Variants in JPH3 observed in about 807,000 individuals in gnomAD.
JPH3 encodes junctophilin 3.
In JPH3, 11 loss-of-function variants were observed where a neutral mutation model predicts 59.6. The observed-to-expected ratio is 0.18, with a 90% CI of 0.12 to 0.31. The LOEUF (loss-of-function observed/expected upper bound fraction) is 0.31. Among genes scored for constraint, JPH3 ranks in the 10% least tolerant of loss-of-function variants. The probability of loss-of-function intolerance (pLI) is 1.00; values close to 1 mark genes in which losing one functional copy is unlikely to be tolerated. For synonymous variants in JPH3, 673 were observed against 483.6 expected, an observed-to-expected ratio of 1.39 and a Z score of -5.14; for missense variants, 1,202 against 1,105.7, an observed-to-expected ratio of 1.09 and a Z score of -1.24.
chr16:87,674,042 A>AC (rs1450043033), intron 2 of JPH3, among the ~76,000 whole-genome samples: 2 of 151,392 alleles, frequency 1.3e-5, no homozygotes, highest in Non-Finnish European at 2.9e-5. Flanking sequence ...TTAAAAAAAA[A>AC]AACAAAAACA....
At chr16:87,662,692 G>C (rs773718035) in intron 2 of JPH3, among the ~76,000 whole-genome samples, 12 of 152,198 alleles carry the variant, frequency 7.9e-5, no homozygotes, top group Non-Finnish European at 1.6e-4. Context: ...GTGCATACCT[G>C]CCTTGGGGGC....
chr16:87,619,152 T>C (rs1024230154), intron 1 of JPH3, among the ~76,000 whole-genome samples: 7 of 150,832 alleles, frequency 4.6e-5, no homozygotes, highest in Non-Finnish European at 8.9e-5. Context: ...CCCATTTCTA[T>C]AAAAAATGCA....
chr16:87,681,919 C>T (rs8044767), intron 2 of JPH3, among the ~76,000 whole-genome samples: 17,378 of 152,114 alleles, frequency 0.11, 1,159 homozygotes, highest in Admixed American at 0.19. Context: ...GTTCAGGCCG[C>T]GCATCTTTAG....
chr16:87,608,108 C>T (rs945809852), intron 1 of JPH3, among the ~76,000 whole-genome samples: 1 of 152,202 alleles, frequency 6.6e-6, no homozygotes, highest in Non-Finnish European at 1.5e-5. Flanking sequence ...CCTACAGCAG[C>T]GATCTGGAGT....
At chr16:87,622,612 C>G (rs1238607962) in intron 1 of JPH3, among the ~76,000 whole-genome samples, 1 of 133,360 alleles carries the variant, frequency 7.5e-6, no homozygotes, top group Non-Finnish European at 1.8e-5. Flanking sequence ...GGATGGAAGT[C>G]TGCCAGAGGC....
intron 1 of JPH3, among the ~76,000 whole-genome samples, chr16:87,607,538 G>C (rs887549009): frequency 2.0e-5 from 3 of 152,228 alleles, no homozygotes; most frequent in African/African-American, 7.2e-5. Flanking sequence ...GGCCTTGCTT[G>C]CTCTCCACTG....
chr16:87,682,750 C>T (rs1310174028), intron 2 of JPH3, among the ~76,000 whole-genome samples: 4 of 152,156 alleles, frequency 2.6e-5, no homozygotes, highest in Admixed American at 2.0e-4. Flanking sequence ...GGAGTCTGCT[C>T]GGAGGGGGGA....
At chr16:87,622,723 C>G (rs1270400639) in intron 1 of JPH3, among the ~76,000 whole-genome samples, 1 of 145,220 alleles carries the variant, frequency 6.9e-6, no homozygotes, top group South Asian at 2.2e-4. Context: ...TCAGGGTCTC[C>G]TCCTGATAAA....
intron 2 of JPH3, among the ~76,000 whole-genome samples, chr16:87,668,289 C>T (rs900606141): frequency 3.3e-5 from 5 of 152,140 alleles, no homozygotes; most frequent in Non-Finnish European, 4.4e-5. Flanking sequence ...TCTTGTTTTT[C>T]GTGGTCCATG....
rs760413606 is a variant in JPH3, at chr16:87,696,588, G to A, written c.2175G>A (p.Ala725=). Residue 725 remains alanine, a synonymous_variant, in exon 5 of 5, where the codon GCG becomes GCA. Transcript: ENST00000284262. ...CCCTCGCTCTCTTCCAGGGCTCAGC[G>A]CCTATCCTGGTGGTCATGGTGATCT... The part of the protein sequence containing the change: ...GDELKSSTGS[A]PILVVMVILL... 11 of 1,613,256 alleles carry A rather than the reference G, an allele frequency of 6.8e-6. No homozygotes were observed. The highest frequency in any genetic ancestry group is 8.5e-6 in the Non-Finnish European group (10 of 1,179,844).
chr16:87,618,589 C>T (rs1262116423), intron 1 of JPH3, among the ~76,000 whole-genome samples: 1 of 152,208 alleles, frequency 6.6e-6, no homozygotes, highest in Non-Finnish European at 1.5e-5. Flanking sequence ...TTCCACCTGG[C>T]CACACTGTTT....
At chr16:87,682,295 G>C (rs1290020291) in intron 2 of JPH3, among the ~76,000 whole-genome samples, 1 of 152,210 alleles carries the variant, frequency 6.6e-6, no homozygotes, top group Non-Finnish European at 1.5e-5. Context: ...TTCATGAACA[G>C]TGTGTGGTTT....
At chr16:87,689,606 T>G (rs780411190) in intron 3 of JPH3, 40 bp from the exon 4 acceptor site, 1 of 1,598,200 alleles carries the variant, frequency 6.3e-7, no homozygotes. Context: ...TGGAATGTGC[T>G]GGGTAACGCC....
intron 1 of JPH3, among the ~76,000 whole-genome samples, chr16:87,632,403 ATTAT>A (rs1324950058): frequency 1.3e-5 from 2 of 152,108 alleles, no homozygotes; most frequent in East Asian, 3.8e-4. Flanking sequence ...CCTTTCATTC[ATTAT>A]TTATATTTCT....
chr16:87,626,291 G>T (rs1468027713), intron 1 of JPH3, among the ~76,000 whole-genome samples: 3 of 152,134 alleles, frequency 2.0e-5, no homozygotes, highest in Admixed American at 6.5e-5. Flanking sequence ...ACCCCAGGCC[G>T]CACAGTTATC....
intron 1 of JPH3, among the ~76,000 whole-genome samples, chr16:87,621,587 A>T (rs1021190841): frequency 2.0e-5 from 3 of 152,164 alleles, no homozygotes; most frequent in African/African-American, 7.2e-5. Flanking sequence ...GCCAGCCAGG[A>T]GCAATTGCTG....
At chr16:87,672,427 G>C (rs555440118) in intron 2 of JPH3, among the ~76,000 whole-genome samples, 2 of 152,334 alleles carry the variant, frequency 1.3e-5, no homozygotes, top group East Asian at 3.9e-4. Flanking sequence ...CGTCCCAGGG[G>C]CCTCCCTGTT....
At position 87,677,220 on chromosome 16, in the gene JPH3, AC is replaced by A. The variant is rs1214839951; in HGVS notation, c.1161-6921del. ...CACACACACACACACACACACACAC[AC>A]ACACAAAAAAAAAAATTAGCCGGGT... On this transcript the variant is annotated intron_variant, in intron 2 of 4. Coordinates refer to ENST00000284262, the MANE Select transcript of JPH3 (RefSeq NM_020655.4). Among the ~76,000 whole-genome samples, 695 of 125,068 alleles carry A rather than the reference AC, an allele frequency of 5.6e-3. 12 individuals carry two copies. Among genetic ancestry groups the A allele is most frequent in the East Asian group, 0.043 (163 of 3,790 alleles). The allele number at this position is 125,068 out of a possible 152,430, so 82.0% of individuals were successfully genotyped here. A position where few individuals can be genotyped will look rare whatever the true frequency, so the allele number is the denominator to read the frequency against.
chr16:87,689,915 C>T lies in JPH3; in HGVS notation c.1555C>T (p.Leu519=), dbSNP rs1220051775. 8.2e-6 allele frequency: 12 copies of T among 1,456,946 alleles called. No individual in the cohort carries two copies. Among genetic ancestry groups the T allele is most frequent in the South Asian group, 1.4e-5 (1 of 70,088 alleles). 90.3% of individuals were successfully genotyped at this position (1,456,946 alleles called of 1,614,324 possible). Residue 519 remains leucine, a synonymous_variant, in exon 4 of 5, where the codon CTG becomes TTG. Transcript: ENST00000284262. The stretch of plus-strand genomic sequence containing the variant: ...GCGGGGCGGGGACATCCAGATGCTC[C>T]TGGAGGGCCGGGCCGGGGACTGCGC... ...EERGGDIQML[L]EGRAGDCARS...
Sources: allele counts gnomAD v4.1 joint callset (sites outside exome capture counted in the v4.1 genomes callset), GRCh38; gene constraint gnomAD v4.1.1; transcripts MANE v1.5; gene names NCBI Gene and HGNC (gene_info 2026-07-23, HGNC 2026-07-21).